The following BLTP3B variants were observed in gnomAD, a reference collection of about 807,000 sequenced individuals.
BLTP3B encodes bridge-like lipid transfer protein family member 3B.
the BLTP3B span, among the ~76,000 whole-genome samples, chr12:100,140,346 G>GA: frequency 1.1e-3 from 150 of 138,314 alleles, no homozygotes; most frequent in African/African-American, 2.3e-3. Flanking sequence ...ACTCATCTCT[G>GA]AAAAAAAAAA....
At chr12:100,114,194 G>C in the BLTP3B span, among the ~76,000 whole-genome samples, 1 of 152,138 alleles carries the variant, frequency 6.6e-6, no homozygotes, top group Non-Finnish European at 1.5e-5. Context: ...TGTATATACA[G>C]GGGAAAGATG....
the BLTP3B span, among the ~76,000 whole-genome samples, chr12:100,069,510 T>G: frequency 3.3e-5 from 5 of 151,374 alleles, no homozygotes; most frequent in African/African-American, 1.2e-4. Flanking sequence ...ATATATATGA[T>G]GGAATACTAC....
chr12:100,060,198 TAAC>T, the BLTP3B span, among the ~76,000 whole-genome samples: 4 of 152,298 alleles, frequency 2.6e-5, no homozygotes, highest in East Asian at 1.9e-4. Flanking sequence ...ATTGGAATGA[TAAC>T]AAACACATTT....
the BLTP3B span, among the ~76,000 whole-genome samples, chr12:100,115,375 C>T: frequency 2.0e-5 from 3 of 152,220 alleles, no homozygotes; most frequent in Non-Finnish European, 4.4e-5. Context: ...CACCACACTC[C>T]AGCCTAGGCG....
the BLTP3B span, chr12:100,095,969 T>C: frequency 3.2e-6 from 3 of 936,666 alleles, no homozygotes; most frequent in Admixed American, 7.0e-5. Flanking sequence ...AAGTATTTAC[T>C]GGCCGGGCAC....
chr12:100,130,316 G>A, the BLTP3B span, among the ~76,000 whole-genome samples: 8 of 152,118 alleles, frequency 5.3e-5, no homozygotes, highest in South Asian at 4.1e-4. Flanking sequence ...CTGTTTCACC[G>A]TCTCTCTGTT....
the BLTP3B span, among the ~76,000 whole-genome samples, chr12:100,097,887 T>A: frequency 6.6e-6 from 1 of 152,160 alleles, no homozygotes; most frequent in South Asian, 2.1e-4. Flanking sequence ...GTAAAGACAT[T>A]AAAATGTGCA....
At chr12:100,102,228 G>A in the BLTP3B span, among the ~76,000 whole-genome samples, 1 of 151,460 alleles carries the variant, frequency 6.6e-6, no homozygotes, top group South Asian at 2.1e-4. Flanking sequence ...TCCTGCCTCA[G>A]CCTCCCAAGT....
chr12:100,124,354 G>A, the BLTP3B span, among the ~76,000 whole-genome samples: 25 of 152,212 alleles, frequency 1.6e-4, no homozygotes, highest in Non-Finnish European at 2.9e-4. Context: ...TGTAATCCCA[G>A]CACTAAGGGA....
At chr12:100,133,204 T>G in the BLTP3B span, among the ~76,000 whole-genome samples, 1 of 152,040 alleles carries the variant, frequency 6.6e-6, no homozygotes, top group Non-Finnish European at 1.5e-5. Context: ...ATCACACCAC[T>G]GCACTCCAGC....
chr12:100,059,921 C>G, the BLTP3B span: 2 of 1,611,318 alleles, frequency 1.2e-6, no homozygotes, highest in Admixed American at 3.4e-5. Context: ...AACTTGTACA[C>G]AGCCATGAAC....
the BLTP3B span, among the ~76,000 whole-genome samples, chr12:100,087,215 T>C: frequency 2.0e-5 from 3 of 150,454 alleles, no homozygotes; most frequent in Non-Finnish European, 3.0e-5. Flanking sequence ...GTTAGGTAAG[T>C]TGTCCAAAGT....
the BLTP3B span, among the ~76,000 whole-genome samples, chr12:100,079,155 G>C: frequency 6.6e-6 from 1 of 152,152 alleles, no homozygotes; most frequent in South Asian, 2.1e-4. Flanking sequence ...CAGTAAATTG[G>C]TACTAGTAGA....
the BLTP3B span, chr12:100,084,338 AAG>A: frequency 2.1e-6 from 2 of 966,028 alleles, no homozygotes; most frequent in Non-Finnish European, 2.9e-6. Context: ...CTACATTAAA[AAG>A]AAGAAAAAAA....
At chr12:100,107,811 T>G in the BLTP3B span, among the ~76,000 whole-genome samples, 1 of 152,220 alleles carries the variant, frequency 6.6e-6, no homozygotes, top group Non-Finnish European at 1.5e-5. Flanking sequence ...CATGACTCAC[T>G]GCAGCCTCAC....
chr12:100,135,826 T>C, the BLTP3B span, among the ~76,000 whole-genome samples: 2 of 152,190 alleles, frequency 1.3e-5, no homozygotes, highest in Admixed American at 6.5e-5. Flanking sequence ...TATGGTACAA[T>C]ATTTGGTACA....
chr12:100,069,899 T>C, the BLTP3B span: 3 of 992,892 alleles, frequency 3.0e-6, no homozygotes, highest in Non-Finnish European at 3.7e-6. Flanking sequence ...AGAATAAAAT[T>C]TTTAAAAATT....
At chr12:100,067,865 A>G in the BLTP3B span, among the ~76,000 whole-genome samples, 1 of 152,250 alleles carries the variant, frequency 6.6e-6, no homozygotes, top group Non-Finnish European at 1.5e-5. Context: ...AAACGAATGG[A>G]AACACATCCC....
the BLTP3B span, among the ~76,000 whole-genome samples, chr12:100,069,432 G>A: frequency 1.3e-5 from 2 of 151,190 alleles, no homozygotes; most frequent in Admixed American, 6.6e-5. Flanking sequence ...TTGTGTGTGT[G>A]TATGTATATA....
Sources: gnomAD v4.1 joint callset for allele counts (sites outside exome capture counted in the v4.1 genomes callset) on GRCh38, gnomAD v4.1.1 for gene constraint, MANE v1.5 for transcripts, NCBI Gene and HGNC (gene_info 2026-07-23, HGNC 2026-07-21) for gene names.